SLCO1C1: variants seen among roughly 807,000 people sequenced by gnomAD.
SLCO1C1 encodes the protein solute carrier organic anion transporter family member 1C1.
In SLCO1C1, 70 loss-of-function variants were observed where a neutral mutation model predicts 76.4. The observed-to-expected ratio is 0.92, with a 90% CI of 0.76 to 1.12. The LOEUF is 1.12. Ranked by LOEUF, SLCO1C1 falls within the 50% of genes most tolerant of loss-of-function variation. The pLI is 0.00. For missense variants in SLCO1C1, 912 were observed against 823.8 expected (o/e 1.11, Z -1.31); for synonymous variants, 306 against 286.1 (o/e 1.07, Z -0.70).
At chr12:20,728,821 G>C (rs867930890) in intron 9 of SLCO1C1, among the ~76,000 whole-genome samples, 1 of 151,530 alleles carries the variant, frequency 6.6e-6, no homozygotes, top group African/African-American at 2.4e-5. Flanking sequence ...TCAGTATCAA[G>C]GAATAAAATC....
intron 13 of SLCO1C1, among the ~76,000 whole-genome samples, chr12:20,747,041 G>GT (rs1949078951): frequency 6.6e-6 from 1 of 152,114 alleles, no homozygotes; most frequent in Non-Finnish European, 1.5e-5. Flanking sequence ...TAGCGGTCAT[G>GT]TTTTTAAAAA....
At chr12:20,707,474 C>T (rs191132173) in intron 4 of SLCO1C1, among the ~76,000 whole-genome samples, 41 of 152,238 alleles carry the variant, frequency 2.7e-4, no homozygotes, top group African/African-American at 8.4e-4. Context: ...TTACACCAGA[C>T]TTAAATCACT....
intron 6 of SLCO1C1, 66 bp from the exon 7 acceptor site, chr12:20,717,066 T>G: frequency 7.2e-7 from 1 of 1,383,302 alleles, no homozygotes; most frequent in Non-Finnish European, 1.0e-6. Flanking sequence ...TTGTTTAAAA[T>G]TGTATTAATT....
At chr12:20,710,524 A>C (rs1305719567) in intron 4 of SLCO1C1, among the ~76,000 whole-genome samples, 1 of 152,136 alleles carries the variant, frequency 6.6e-6, no homozygotes, top group Non-Finnish European at 1.5e-5. Flanking sequence ...ATTTGAGTGC[A>C]AGAGTAGAGC....
rs757797623 is a variant in SLCO1C1 at position 20,715,219 on chromosome 12, A to C, written c.610A>C (p.Ile204Leu). 5 of 1,614,100 alleles carry C rather than the reference A, an allele frequency of 3.1e-6. No individual in the cohort carries two copies. The South Asian group carries it at 5.5e-5, about 18-fold the overall frequency. ...TCTTCGTGGAATAGGAGAAACTCCC[A>C]TTCAGCCTTTGGGCATTGCCTACCT... ...NLLRGIGETPIQPLGIAYLDD... is the reference protein window; with the variant it reads ...NLLRGIGETPLQPLGIAYLDD... The change falls in exon 6 of 15, where the codon ATT (isoleucine) becomes CTT (leucine). Residue 204 changes from isoleucine to leucine, a missense_variant. Ile to Leu is a conservative substitution (Grantham distance 5). Transcript: ENST00000266509.
intron 9 of SLCO1C1, among the ~76,000 whole-genome samples, chr12:20,730,303 A>C (rs1948211342): frequency 6.6e-6 from 1 of 152,150 alleles, no homozygotes; most frequent in Non-Finnish European, 1.5e-5. Flanking sequence ...TATTCAGTGC[A>C]TGTATGTGCG....
chr12:20,740,383 TCC>T lies in SLCO1C1; in HGVS notation c.1733+17_1733+18del. 6.3e-7 allele frequency: 1 copy of T among 1,590,748 alleles called. No homozygotes were observed. Among genetic ancestry groups the T allele is most frequent in the Non-Finnish European group, 8.5e-7 (1 of 1,171,018 alleles). On this transcript the variant is annotated intron_variant, in intron 12 of 14. Transcript: ENST00000266509. Reference sequence around the variant, plus strand: ...TTACTTCTGAGGTGAGTACTGATTCTCCCTATTCTAATTTTAACACAAGACAC... The same window carrying T: ...TTACTTCTGAGGTGAGTACTGATTCTCTATTCTAATTTTAACACAAGACAC...
In SLCO1C1 at chr12:20,732,984, T is replaced by C; in HGVS notation, c.1262T>C (p.Val421Ala). 1 of 1,613,990 alleles carries C rather than the reference T, an allele frequency of 6.2e-7. No individual in the cohort carries two copies. Among genetic ancestry groups the C allele is most frequent in the Non-Finnish European group, 8.5e-7 (1 of 1,179,940 alleles). The stretch of plus-strand genomic sequence containing the variant: ...GTTATGAAAAAATTCAGAATCAGTG[T>C]GTGTGGAGCTGCAAAACTCTACTTG... Reference protein sequence around the residue: ...GIVMKKFRISVCGAAKLYLGS... With the variant: ...GIVMKKFRISACGAAKLYLGS... Residue 421 changes from valine to alanine, a missense_variant, in exon 10 of 15, where the codon GTG (valine) becomes GCG (alanine). Coordinates refer to ENST00000266509, the MANE Select transcript of SLCO1C1 (RefSeq NM_017435.5).
chr12:20,721,697 G>A (rs771257693), intron 7 of SLCO1C1, 107 bp from the exon 8 acceptor site: 55 of 1,293,874 alleles, frequency 4.3e-5, no homozygotes, highest in Admixed American at 5.2e-5. Flanking sequence ...GAATTATTAG[G>A]TATTTTATGA....
intron 12 of SLCO1C1, among the ~76,000 whole-genome samples, chr12:20,740,787 T>TTATATATATATATATATGTA (rs1948772880): frequency 1.3e-5 from 1 of 75,058 alleles, no homozygotes; most frequent in African/African-American, 5.4e-5. Context: ...TTTATTTTAT[T>TTATATATATATATATATGTA]TATATATATA....
intron 4 of SLCO1C1, among the ~76,000 whole-genome samples, chr12:20,710,783 G>T (rs1947051290): frequency 6.6e-6 from 1 of 152,084 alleles, no homozygotes. Flanking sequence ...AAAGTATTCT[G>T]ATGGCAATAC....
At chr12:20,739,264 A>G (rs896754907) in intron 11 of SLCO1C1, among the ~76,000 whole-genome samples, 6 of 152,288 alleles carry the variant, frequency 3.9e-5, no homozygotes, top group Non-Finnish European at 8.8e-5. Flanking sequence ...GCTTTCATGG[A>G]GGTTACATTC....
At chr12:20,739,599 AT>A (rs1948708924) in intron 11 of SLCO1C1, among the ~76,000 whole-genome samples, 1 of 152,160 alleles carries the variant, frequency 6.6e-6, no homozygotes, top group East Asian at 1.9e-4. Flanking sequence ...TGCAAGGGTC[AT>A]GTGTGTGGCT....
intron 4 of SLCO1C1, among the ~76,000 whole-genome samples, chr12:20,707,098 T>C (rs1235145260): frequency 6.6e-6 from 1 of 152,118 alleles, no homozygotes; most frequent in African/African-American, 2.4e-5. Context: ...CAGAATTCTC[T>C]GAGTGGGAGC....
In SLCO1C1 at chr12:20,733,018, T is replaced by C; in HGVS notation, c.1296T>C (p.Ser432=). ...CGAAKLYLGS[S]VFGYLLFLSL... ...CTGCAAAACTCTACTTGGGATCATC[T>C]GTCTTTGGTTACCTCCTATTTCTTT... The change falls in exon 10 of 15, where the codon TCT becomes TCC. Residue 432 remains serine, a synonymous_variant. Transcript: ENST00000266509. 1 of 1,613,756 alleles carries C rather than the reference T, an allele frequency of 6.2e-7. No homozygotes were observed. The highest frequency in any genetic ancestry group is 8.5e-7 in the Non-Finnish European group (1 of 1,179,850).
Position 20,747,428 on chromosome 12 carries a change from C to CAA in SLCO1C1, c.1799-3239_1799-3238dup, listed in dbSNP as rs200437209. ...TGGGTGACAGAGGGAGACTCTGTCT[C>CAA]AAAAAAAAATAGAGTTCAGAATGGG... On this transcript the variant is annotated intron_variant, in intron 13 of 14. Coordinates refer to ENST00000266509, the MANE Select transcript of SLCO1C1 (RefSeq NM_017435.5). Among the ~76,000 whole-genome samples, 211 of 113,538 alleles carry CAA rather than the reference C, an allele frequency of 1.9e-3. 7 individuals carry two copies. In the South Asian group the frequency reaches 0.072, roughly 38 times the overall value. 74.5% of individuals were successfully genotyped at this position (113,538 alleles called of 152,430 possible).
At chr12:20,715,038 T>G in intron 5 of SLCO1C1, 101 bp from the exon 6 acceptor site, 1 of 1,427,124 alleles carries the variant, frequency 7.0e-7, no homozygotes, top group East Asian at 2.3e-5. Flanking sequence ...CAAAAACTCC[T>G]GCATTCTAGT....
At chr12:20,724,841 A>T (rs2120774765) in intron 9 of SLCO1C1, among the ~76,000 whole-genome samples, 1 of 146,238 alleles carries the variant, frequency 6.8e-6, no homozygotes, top group Admixed American at 6.9e-5. Flanking sequence ...ATACTATAAT[A>T]GATAATATAA....
At chr12:20,712,564 C>T (rs1404945427) in intron 5 of SLCO1C1, among the ~76,000 whole-genome samples, 1 of 152,158 alleles carries the variant, frequency 6.6e-6, no homozygotes, top group Admixed American at 6.5e-5. Flanking sequence ...TGCCACCTAC[C>T]AATTTCAACC....
Sources: allele counts gnomAD v4.1 joint callset (sites outside exome capture counted in the v4.1 genomes callset), GRCh38; gene constraint gnomAD v4.1.1; transcripts MANE v1.5; gene names NCBI Gene and HGNC (gene_info 2026-07-23, HGNC 2026-07-21).